Variants in ZMAT3 observed in about 807,000 individuals in gnomAD.
ZMAT3 encodes the protein zinc finger matrin-type 3.
Under a neutral mutation model 32.3 loss-of-function variants are expected in ZMAT3, and 17 were observed. That is an observed-to-expected ratio of 0.53 (90% CI 0.36 to 0.79). The LOEUF (loss-of-function observed/expected upper bound fraction) is 0.79, where lower values mean the gene tolerates loss of function less well. Among genes scored for constraint, ZMAT3 ranks in the 30% least tolerant of loss-of-function variants. The pLI is 0.00. For synonymous variants in ZMAT3, 120 were observed against 133.1 expected, an observed-to-expected ratio of 0.90 and a Z score of 0.68; for missense variants, 329 against 359.7, an observed-to-expected ratio of 0.91 and a Z score of 0.69.
chr3:179,057,524 C>G (rs1720910129), intron 2 of ZMAT3, among the ~76,000 whole-genome samples: 1 of 152,226 alleles, frequency 6.6e-6, no homozygotes, highest in South Asian at 2.1e-4. Flanking sequence ...AATACCTGGA[C>G]ACTCCTGTCC....
chr3:179,043,175 T>A (rs1319901780), intron 2 of ZMAT3, among the ~76,000 whole-genome samples: 5 of 152,124 alleles, frequency 3.3e-5, no homozygotes, highest in Admixed American at 6.6e-5. Flanking sequence ...TTAAATGCCA[T>A]CCCCATCAAG....
chr3:179,055,198 T>C (rs893635175), intron 2 of ZMAT3, among the ~76,000 whole-genome samples: 1 of 152,132 alleles, frequency 6.6e-6, no homozygotes, highest in Non-Finnish European at 1.5e-5. Flanking sequence ...TTGGGACCAA[T>C]GTGACACTCA....
At chr3:179,047,953 T>C (rs763872384) in intron 2 of ZMAT3, among the ~76,000 whole-genome samples, 5 of 151,680 alleles carry the variant, frequency 3.3e-5, no homozygotes, top group Admixed American at 1.3e-4. Flanking sequence ...GTGAAATAGA[T>C]AGCATAAATA....
chr3:179,048,872 T>C (rs1051451552), intron 2 of ZMAT3, among the ~76,000 whole-genome samples: 1 of 151,934 alleles, frequency 6.6e-6, no homozygotes, highest in African/African-American at 2.4e-5. Context: ...CTTAAAATAT[T>C]CCAAATGGCA....
At position 179,017,809 on chromosome 3, in the gene ZMAT3, T is replaced by C. The variant is rs969244750; in HGVS notation, c.*7208A>G. 2.0e-5 allele frequency: 3 copies of C among 152,162 alleles called. No individual in the cohort carries two copies. Among genetic ancestry groups the C allele is most frequent in the Non-Finnish European group, 4.4e-5 (3 of 68,024 alleles). 9.4% of individuals were successfully genotyped at this position (152,162 alleles called of 1,614,324 possible). On this transcript the variant is annotated 3_prime_UTR_variant, in exon 6 of 6. Transcript: ENST00000311417. ...GCAAAATCGGTTTTGCTTCTGAATC[T>C]AGAGCATATTTCCAAGGAGAAGCAA...
In ZMAT3 at chr3:179,019,614, A is replaced by G. The variant is rs1345795217; in HGVS notation, c.*5403T>C. 1 of 152,174 alleles carries G rather than the reference A, an allele frequency of 6.6e-6. No homozygotes were observed. Among genetic ancestry groups the G allele is most frequent in the African/African-American group, 2.4e-5 (1 of 41,452 alleles). The allele number at this position is 152,174 out of a possible 1,614,324, so 9.4% of individuals were successfully genotyped here. ...AGAAAATGTTGAGGAACATGTTAAC[A>G]TTTCTATAATAAAATCAGTCTAGCA... On this transcript the variant is annotated 3_prime_UTR_variant, in exon 6 of 6. Coordinates refer to ENST00000311417, the MANE Select transcript of ZMAT3 (RefSeq NM_022470.4).
intron 3 of ZMAT3, among the ~76,000 whole-genome samples, chr3:179,029,968 T>G (rs184860951): frequency 2.6e-5 from 4 of 152,310 alleles, no homozygotes; most frequent in Non-Finnish European, 2.9e-5. Flanking sequence ...TGGCACGATA[T>G]GTACTCTATT....
At chr3:179,039,700 A>T (rs1386106054) in intron 2 of ZMAT3, among the ~76,000 whole-genome samples, 1 of 152,246 alleles carries the variant, frequency 6.6e-6, no homozygotes, top group Non-Finnish European at 1.5e-5. Context: ...CCTCACCAGC[A>T]ATGGAACAAA....
chr3:179,025,049 T>C lies in ZMAT3; in HGVS notation c.838A>G (p.Arg280Gly). 6.2e-7 allele frequency: 1 copy of C among 1,614,252 alleles called. No homozygotes were observed. The highest frequency in any genetic ancestry group is 8.5e-7 in the Non-Finnish European group (1 of 1,180,044). ...TATCCCAGATTCTCCATCTCATTCC[T>C]GTACCGCTGTTCAGACACCTTGCTC... ...HKSKVSEQRY[R>G]NEMENLGYV is the part of the protein sequence containing the mutation. The change falls in exon 6 of 6, where the codon AGG becomes GGG. Residue 280 changes from arginine (R) to glycine (G), a missense_variant. Physicochemically the swap from Arg to Gly is moderately radical, Grantham distance 125. Coordinates refer to ENST00000311417, the MANE Select transcript of ZMAT3 (RefSeq NM_022470.4).
At chr3:179,042,043 T>A (rs1719966353) in intron 2 of ZMAT3, among the ~76,000 whole-genome samples, 1 of 152,140 alleles carries the variant, frequency 6.6e-6, no homozygotes, top group Non-Finnish European at 1.5e-5. Context: ...AGGAAGAAGT[T>A]GAATCTCTGA....
chr3:179,031,036 C>G, intron 2 of ZMAT3, 37 bp from the exon 3 acceptor site: 1 of 1,569,418 alleles, frequency 6.4e-7, no homozygotes, highest in Non-Finnish European at 8.7e-7. Flanking sequence ...GCAGTCCACC[C>G]TTATCTGCAG....
chr3:179,031,099 A>G, intron 2 of ZMAT3, 100 bp from the exon 3 acceptor site: 1 of 1,032,608 alleles, frequency 9.7e-7, no homozygotes, highest in Non-Finnish European at 1.3e-6. Context: ...ATATTAAGAT[A>G]TTTTGAGAGA....
At chr3:179,049,991 C>G (rs530813318) in intron 2 of ZMAT3, among the ~76,000 whole-genome samples, 50 of 8,126 alleles carry the variant, frequency 6.2e-3, no homozygotes, top group African/African-American at 0.023. Flanking sequence ...GACTCCGTCT[C>G]AAAAAAAAAA....
intron 2 of ZMAT3, among the ~76,000 whole-genome samples, chr3:179,048,061 T>G (rs1720340612): frequency 6.6e-6 from 1 of 152,116 alleles, no homozygotes; most frequent in Non-Finnish European, 1.5e-5. Context: ...TAGAAGAACT[T>G]CAGAGCTCAA....
At chr3:179,051,094 T>C (rs1720529745) in intron 2 of ZMAT3, among the ~76,000 whole-genome samples, 1 of 152,130 alleles carries the variant, frequency 6.6e-6, no homozygotes, top group African/African-American at 2.4e-5. Context: ...GGATGCCCAC[T>C]TTCACCACTT....
At chr3:179,050,901 A>G (rs1265126964) in intron 2 of ZMAT3, among the ~76,000 whole-genome samples, 2 of 152,234 alleles carry the variant, frequency 1.3e-5, no homozygotes, top group African/African-American at 2.4e-5. Flanking sequence ...GATCACCTCA[A>G]TAGACACAGA....
rs1718636335 is a variant in ZMAT3 at position 179,023,160 on chromosome 3, C to T, written c.*1857G>A. 1 of 102,954 alleles carries T rather than the reference C, an allele frequency of 9.7e-6. No individual in the cohort carries two copies. The highest frequency in any genetic ancestry group is 1.8e-5 in the Non-Finnish European group (1 of 55,690). 6.4% of individuals were successfully genotyped at this position (102,954 alleles called of 1,614,324 possible). ...TAGTTAATCTAGATATATATTATAG[C>T]TTCTTTTTTTTTTTTTTTGGAGACG... is the stretch of plus-strand genomic sequence containing the variant. On this transcript the variant is annotated 3_prime_UTR_variant, in exon 6 of 6. Coordinates refer to ENST00000311417, the MANE Select transcript of ZMAT3 (RefSeq NM_022470.4).
At chr3:179,058,954 C>A (rs909319160) in intron 2 of ZMAT3, among the ~76,000 whole-genome samples, 2 of 151,998 alleles carry the variant, frequency 1.3e-5, no homozygotes, top group Non-Finnish European at 2.9e-5. Context: ...CTTAAGTATA[C>A]CTACCTAGTC....
At chr3:179,053,882 C>T (rs1205250016) in intron 2 of ZMAT3, among the ~76,000 whole-genome samples, 1 of 152,106 alleles carries the variant, frequency 6.6e-6, no homozygotes, top group Non-Finnish European at 1.5e-5. Context: ...AAAATTTCAT[C>T]CTGGATTAAA....
Sources: gnomAD v4.1 joint callset for allele counts (sites outside exome capture counted in the v4.1 genomes callset) on GRCh38, gnomAD v4.1.1 for gene constraint, MANE v1.5 for transcripts, NCBI Gene and HGNC (gene_info 2026-07-23, HGNC 2026-07-21) for gene names.